The following TRPM3 variants were observed in gnomAD, a reference collection of about 807,000 sequenced individuals.
The protein encoded by TRPM3 is long transient receptor potential channel 3.
TRPM3 carries 77 observed loss-of-function variants against 181.2 expected under a neutral mutation model. The ratio of observed to expected loss-of-function variants is 0.42; its 90% CI spans 0.35 to 0.51. TRPM3 has a LOEUF of 0.51. TRPM3 is among the 20% of genes least tolerant of loss of function. The pLI, the probability that TRPM3 is intolerant of heterozygous loss-of-function variation, is 0.01. For missense variants in TRPM3, 1,759 were observed against 2,196.7 expected, an observed-to-expected ratio of 0.80 and a Z score of 3.98; for synonymous variants, 745 against 796.4, an observed-to-expected ratio of 0.94 and a Z score of 1.09.
chr9:70,640,472 G>A (rs1053184462), intron 10 of TRPM3, 88 bp downstream of exon 10: 20 of 997,018 alleles, frequency 2.0e-5, no homozygotes, highest in African/African-American at 3.2e-5. Flanking sequence ...AAAAGCAATC[G>A]TTTTCTGAGC....
chr9:70,938,399 A>C (rs1589918812), intron 1 of TRPM3, among the ~76,000 whole-genome samples: 1 of 152,156 alleles, frequency 6.6e-6, no homozygotes. Context: ...CCCTTTGTAC[A>C]TATGCTAATG....
At chr9:71,132,751 A>G (rs1440843700) in intron 1 of TRPM3, among the ~76,000 whole-genome samples, 3 of 152,192 alleles carry the variant, frequency 2.0e-5, no homozygotes, top group African/African-American at 7.2e-5. Flanking sequence ...ATTTTTAGAA[A>G]TATTACCAAG....
chr9:71,258,195 AT>A (rs2082794947), intron 1 of TRPM3, among the ~76,000 whole-genome samples: 1 of 152,194 alleles, frequency 6.6e-6, no homozygotes, highest in Admixed American at 6.5e-5. Flanking sequence ...ACATTGGCCC[AT>A]TTAAGTCTTA....
At chr9:71,061,108 C>A (rs1468321041) in intron 1 of TRPM3, among the ~76,000 whole-genome samples, 1 of 151,916 alleles carries the variant, frequency 6.6e-6, no homozygotes, top group Non-Finnish European at 1.5e-5. Context: ...CAGCCAGGTG[C>A]CGTGTACAAT....
At chr9:70,917,300 A>AT in intron 1 of TRPM3, 1 of 1,342,924 alleles carries the variant, frequency 7.4e-7, no homozygotes, top group South Asian at 1.2e-5. Context: ...AAAGTGGTAT[A>AT]TTATTAATGG....
intron 1 of TRPM3, among the ~76,000 whole-genome samples, chr9:71,246,690 A>C (rs1396996196): frequency 3.9e-5 from 6 of 152,254 alleles, no homozygotes; most frequent in Non-Finnish European, 7.3e-5. Flanking sequence ...GATATGAATA[A>C]TAACAGGATT....
chr9:70,780,226 T>C (rs1350155432), intron 7 of TRPM3, among the ~76,000 whole-genome samples: 1 of 152,204 alleles, frequency 6.6e-6, no homozygotes, highest in East Asian at 1.9e-4. Flanking sequence ...TATAGCTGAA[T>C]AGTTCTTGGA....
intron 1 of TRPM3, among the ~76,000 whole-genome samples, chr9:71,321,988 A>C (rs2089267527): frequency 6.6e-6 from 1 of 152,170 alleles, no homozygotes. Flanking sequence ...AGAGGTGCAT[A>C]AAAGCTTTGT....
intron 1 of TRPM3, among the ~76,000 whole-genome samples, chr9:70,924,285 C>A (rs116470328): frequency 4.3e-4 from 65 of 152,202 alleles, no homozygotes; most frequent in African/African-American, 1.6e-3. Flanking sequence ...ATTCCTCTTT[C>A]CTCCCAAAAT....
intron 1 of TRPM3, among the ~76,000 whole-genome samples, chr9:71,227,401 A>G (rs1270976443): frequency 1.3e-5 from 2 of 152,038 alleles, no homozygotes; most frequent in Admixed American, 1.3e-4. Context: ...AAAAATAAGA[A>G]AAACTTCAAA....
intron 25 of TRPM3, among the ~76,000 whole-genome samples, chr9:70,543,115 T>A (rs2043914412): frequency 1.3e-5 from 2 of 152,224 alleles, no homozygotes; most frequent in African/African-American, 4.8e-5. Context: ...AAATATTACT[T>A]ATGAATTTTA....
At chr9:70,793,608 T>C in intron 6 of TRPM3, 1 of 470,560 alleles carries the variant, frequency 2.1e-6, no homozygotes, top group Non-Finnish European at 4.4e-6. Flanking sequence ...AACATTCCTC[T>C]TCCCGGCTGC....
intron 1 of TRPM3, among the ~76,000 whole-genome samples, chr9:71,439,061 C>T (rs1054644281): frequency 2.6e-5 from 4 of 152,084 alleles, no homozygotes; most frequent in Non-Finnish European, 5.9e-5. Context: ...TATATTTTAG[C>T]CCCAAGAATG....
At chr9:70,658,961 ACTTTT>A (rs1201124646) in intron 9 of TRPM3, among the ~76,000 whole-genome samples, 4 of 152,024 alleles carry the variant, frequency 2.6e-5, no homozygotes, top group Middle Eastern at 3.2e-3. Context: ...AGTCAAGAAA[ACTTTT>A]CTTTTGAGTT....
chr9:71,356,853 T>G (rs2091917696), intron 1 of TRPM3, among the ~76,000 whole-genome samples: 1 of 152,064 alleles, frequency 6.6e-6, no homozygotes, highest in South Asian at 2.1e-4. Flanking sequence ...CATGACATAA[T>G]AATATTGTTC....
intron 1 of TRPM3, among the ~76,000 whole-genome samples, chr9:71,271,333 T>C (rs2083773376): frequency 6.6e-6 from 1 of 152,160 alleles, no homozygotes; most frequent in African/African-American, 2.4e-5. Flanking sequence ...TACTGGAATG[T>C]AGTTCTTGAA....
chr9:70,588,233 ATC>A (rs1451292576), intron 22 of TRPM3, among the ~76,000 whole-genome samples: 9 of 152,228 alleles, frequency 5.9e-5, no homozygotes, highest in Non-Finnish European at 8.8e-5. Flanking sequence ...TCGATCTTTG[ATC>A]TCTGTGTTTA....
At chr9:70,787,763 C>CTTTTTTTTTTTTTTTTTTTTTATTT (rs2084071076) in intron 6 of TRPM3, among the ~76,000 whole-genome samples, 1 of 68,558 alleles carries the variant, frequency 1.5e-5, no homozygotes, top group African/African-American at 5.8e-5. Flanking sequence ...TTTTTGGATT[C>CTTTTTTTTTTTTTTTTTTTTTATTT]TTTTTTTTTT....
chr9:70,812,045 A>C (rs1212436093), intron 6 of TRPM3, among the ~76,000 whole-genome samples: 1 of 152,178 alleles, frequency 6.6e-6, no homozygotes, highest in Non-Finnish European at 1.5e-5. Context: ...TAATGGTAAT[A>C]TCATATTTCT....
Sources: allele counts gnomAD v4.1 joint callset (sites outside exome capture counted in the v4.1 genomes callset), GRCh38; gene constraint gnomAD v4.1.1; transcripts MANE v1.5; gene names NCBI Gene and HGNC (gene_info 2026-07-23, HGNC 2026-07-21).